FARS2: variants seen among roughly 807,000 people sequenced by gnomAD.
FARS2 encodes phenylalanyl-tRNA synthetase 2, mitochondrial, also known as phenylalanine--tRNA ligase, mitochondrial.
Under a neutral mutation model 46.4 loss-of-function variants are expected in FARS2, and 40 were observed. The ratio of observed to expected loss-of-function variants is 0.86; its 90% CI spans 0.67 to 1.12. FARS2 has a LOEUF of 1.12. FARS2 is among the 50% of genes most tolerant of loss of function. The pLI, the probability that FARS2 is intolerant of heterozygous loss-of-function variation, is 0.00. For synonymous variants in FARS2, 234 were observed against 214.9 expected (o/e 1.09, Z -0.78); for missense variants, 513 against 567.9 (o/e 0.90, Z 0.98).
At chr6:5,497,825 T>C (rs1427942166) in intron 4 of FARS2, among the ~76,000 whole-genome samples, 2 of 152,258 alleles carry the variant, frequency 1.3e-5, no homozygotes, top group African/African-American at 2.4e-5. Context: ...TCCTCTACCC[T>C]AAATAAGTAA....
chr6:5,580,280 A>G (rs2150578659), intron 5 of FARS2, among the ~76,000 whole-genome samples: 1 of 91,988 alleles, frequency 1.1e-5, no homozygotes, highest in African/African-American at 4.6e-5. Context: ...ACAGAGGAAG[A>G]CTCCGTCTCA....
chr6:5,683,291 G>A (rs1035917837), intron 6 of FARS2, among the ~76,000 whole-genome samples: 4 of 152,198 alleles, frequency 2.6e-5, no homozygotes, highest in African/African-American at 9.7e-5. Context: ...TCTGTAGGGT[G>A]TGAGGAAAAG....
intron 4 of FARS2, among the ~76,000 whole-genome samples, chr6:5,455,883 C>T (rs1433578278): frequency 6.6e-6 from 1 of 152,188 alleles, no homozygotes; most frequent in African/African-American, 2.4e-5. Flanking sequence ...TTTATTATCT[C>T]AGTTTATACT....
intron 6 of FARS2, among the ~76,000 whole-genome samples, chr6:5,711,225 G>A (rs1759127185): frequency 6.6e-6 from 1 of 151,700 alleles, no homozygotes; most frequent in Admixed American, 6.6e-5. Flanking sequence ...ATAGAGTGCT[G>A]GATTATAACA....
At chr6:5,609,846 A>G in intron 5 of FARS2, 1 of 1,059,298 alleles carries the variant, frequency 9.4e-7, no homozygotes, top group African/African-American at 1.5e-5. Context: ...CTCTTAGGTG[A>G]TGTTCTTCAG....
intron 2 of FARS2, among the ~76,000 whole-genome samples, chr6:5,377,763 C>G (rs1174279493): frequency 6.6e-6 from 1 of 152,112 alleles, no homozygotes; most frequent in Non-Finnish European, 1.5e-5. Context: ...CTCCTCTGTT[C>G]TAGGATGATT....
At chr6:5,614,760 T>C (rs1340400519) in intron 6 of FARS2, among the ~76,000 whole-genome samples, 6 of 152,208 alleles carry the variant, frequency 3.9e-5, no homozygotes, top group Non-Finnish European at 7.3e-5. Flanking sequence ...TCACTGCCAA[T>C]TGTTTTGCCT....
At chr6:5,282,906 G>A (rs1467869330) in intron 1 of FARS2, among the ~76,000 whole-genome samples, 1 of 152,182 alleles carries the variant, frequency 6.6e-6, no homozygotes, top group Non-Finnish European at 1.5e-5. Context: ...AAAGGAGAGA[G>A]TGGCCATAAA....
chr6:5,738,842 G>A (rs530110751), intron 6 of FARS2, among the ~76,000 whole-genome samples: 5 of 152,118 alleles, frequency 3.3e-5, no homozygotes, highest in East Asian at 3.9e-4. Flanking sequence ...CGTGTGTATC[G>A]TTGTCGGTTT....
chr6:5,305,951 G>T (rs939184727), intron 1 of FARS2, among the ~76,000 whole-genome samples: 2 of 152,132 alleles, frequency 1.3e-5, no homozygotes, highest in African/African-American at 2.4e-5. Context: ...TTACAGCTTT[G>T]CCTTATCTCC....
chr6:5,539,807 T>C (rs1380878347), intron 4 of FARS2, among the ~76,000 whole-genome samples: 1 of 152,164 alleles, frequency 6.6e-6, no homozygotes, highest in East Asian at 1.9e-4. Context: ...ATTCTCATCA[T>C]CAGCATTACT....
intron 6 of FARS2, among the ~76,000 whole-genome samples, chr6:5,701,580 C>T (rs143966643): frequency 2.0e-5 from 3 of 152,326 alleles, no homozygotes; most frequent in African/African-American, 7.2e-5. Context: ...TTCTCTCTCA[C>T]AAACAGTTGT....
intron 6 of FARS2, among the ~76,000 whole-genome samples, chr6:5,725,021 C>T (rs549410785): frequency 5.9e-5 from 9 of 152,340 alleles, no homozygotes; most frequent in African/African-American, 1.9e-4. Context: ...TGAAGTTTCT[C>T]GCTATTACCG....
intron 4 of FARS2, among the ~76,000 whole-genome samples, chr6:5,495,121 T>A (rs1767375430): frequency 6.6e-6 from 1 of 152,194 alleles, no homozygotes; most frequent in African/African-American, 2.4e-5. Flanking sequence ...TTTCTTCCCT[T>A]TTAGATAATA....
chr6:5,459,246 T>C (rs1241173267), intron 4 of FARS2, among the ~76,000 whole-genome samples: 1 of 152,228 alleles, frequency 6.6e-6, no homozygotes, highest in Non-Finnish European at 1.5e-5. Flanking sequence ...GAAACAAATT[T>C]GAATTTAGGC....
At chr6:5,296,362 C>G (rs912527523) in intron 1 of FARS2, among the ~76,000 whole-genome samples, 1 of 151,958 alleles carries the variant, frequency 6.6e-6, no homozygotes, top group Non-Finnish European at 1.5e-5. Flanking sequence ...AGGATGGTCT[C>G]GATCTCCTGA....
chr6:5,719,081 A>C (rs533244109), intron 6 of FARS2, among the ~76,000 whole-genome samples: 68 of 152,286 alleles, frequency 4.5e-4, no homozygotes, highest in African/African-American at 1.6e-3. Flanking sequence ...AGTTATGCTC[A>C]TCTGAAGTAA....
At chr6:5,280,056 G>T (rs565810232) in intron 1 of FARS2, among the ~76,000 whole-genome samples, 2 of 152,186 alleles carry the variant, frequency 1.3e-5, no homozygotes, top group Non-Finnish European at 1.5e-5. Context: ...AAGGCTAGGG[G>T]TGTTTTTGGT....
At chr6:5,610,324 A>G (rs906058585) in intron 5 of FARS2, 10 of 410,516 alleles carry the variant, frequency 2.4e-5, no homozygotes, top group Non-Finnish European at 3.8e-5. Flanking sequence ...AAAAAAAAAA[A>G]AAGAATTATA....
Sources: allele counts gnomAD v4.1 joint callset (sites outside exome capture counted in the v4.1 genomes callset), GRCh38; gene constraint gnomAD v4.1.1; transcripts MANE v1.5; gene names NCBI Gene and HGNC (gene_info 2026-07-23, HGNC 2026-07-21).